PDE2A: variants seen among roughly 807,000 people sequenced by gnomAD.
PDE2A encodes phosphodiesterase 2A.
Under a neutral mutation model 133.6 loss-of-function variants are expected in PDE2A, and 53 were observed. That is an observed-to-expected ratio of 0.40 (90% confidence interval 0.32 to 0.50). The LOEUF (loss-of-function observed/expected upper bound fraction) is 0.50, where lower values mean the gene tolerates loss of function less well. Ranked by LOEUF, PDE2A falls within the 20% of genes least tolerant of loss-of-function variation. The pLI, the probability that PDE2A is intolerant of heterozygous loss-of-function variation, is 0.73. For synonymous variants in PDE2A, 491 were observed against 490.2 expected, an observed-to-expected ratio of 1.00 and a Z score of -0.02; for missense variants, 796 against 1,232.4, an observed-to-expected ratio of 0.65 and a Z score of 5.30.
intron 4 of PDE2A, chr11:72,598,466 C>G (rs140350532): frequency 1.6e-6 from 2 of 1,273,108 alleles, no homozygotes; most frequent in African/African-American, 3.0e-5. Context: ...CAACCCACCT[C>G]CTCTACCCCC....
chr11:72,644,416 G>A (rs186905748), intron 1 of PDE2A, among the ~76,000 whole-genome samples: 227 of 152,262 alleles, frequency 1.5e-3, no homozygotes, highest in Non-Finnish European at 4.1e-4. Context: ...TTTCTCTTCC[G>A]TAAAAGGGGA....
chr11:72,654,026 G>A (rs1854822950), intron 1 of PDE2A, among the ~76,000 whole-genome samples: 1 of 152,228 alleles, frequency 6.6e-6, no homozygotes, highest in South Asian at 2.1e-4. Flanking sequence ...CTCAGTTAGT[G>A]CAGAGAGGCA....
chr11:72,591,209 G>A (rs1184451730), intron 7 of PDE2A, 88 bp downstream of exon 7: 3 of 1,099,806 alleles, frequency 2.7e-6, no homozygotes, highest in Non-Finnish European at 4.2e-6. Context: ...TGAAACCCAG[G>A]TCTGTCCAGC....
At chr11:72,579,119 A>G in intron 27 of PDE2A, 110 bp from the exon 28 acceptor site, 1 of 971,772 alleles carries the variant, frequency 1.0e-6, no homozygotes, top group Non-Finnish European at 1.6e-6. Context: ...GGCACCCTTG[A>G]TGGGAGCCAA....
intron 2 of PDE2A, among the ~76,000 whole-genome samples, chr11:72,617,841 C>G (rs914420218): frequency 6.6e-6 from 1 of 152,192 alleles, no homozygotes; most frequent in Non-Finnish European, 1.5e-5. Flanking sequence ...TGCCCCCTTT[C>G]CCTCTCTCTG....
chr11:72,587,712 T>C (rs1856040568), intron 13 of PDE2A: 1 of 152,290 alleles, frequency 6.6e-6, no homozygotes, highest in African/African-American at 2.4e-5. Context: ...TCTCCCACCA[T>C]TAGGATGCCC....
chr11:72,649,733 C>G (rs929764849), intron 1 of PDE2A, among the ~76,000 whole-genome samples: 1 of 152,212 alleles, frequency 6.6e-6, no homozygotes, highest in African/African-American at 2.4e-5. Flanking sequence ...TACCAGCCGG[C>G]TCCTTCCCAT....
At chr11:72,620,520 T>C (rs1194480725) in intron 2 of PDE2A, among the ~76,000 whole-genome samples, 1 of 152,074 alleles carries the variant, frequency 6.6e-6, no homozygotes, top group African/African-American at 2.4e-5. Context: ...AAGGCCTCTG[T>C]AGTTGGGTTT....
In PDE2A at chr11:72,577,257, T is replaced by C. The variant is rs1266752091; in HGVS notation, c.*127A>G. 7 of 654,524 alleles carry C rather than the reference T, an allele frequency of 1.1e-5. No individual in the cohort carries two copies. In the African/African-American group the frequency reaches 1.1e-4, roughly 10 times the overall value. The allele number at this position is 654,524 out of a possible 1,614,324, so 40.5% of individuals were successfully genotyped here. A position where few individuals can be genotyped will look rare whatever the true frequency, so the allele number is the denominator to read the frequency against. ...AGCTGAGGCCCAGGAAGGTAGTACT[T>C]GTCCAGGGTCACACAGGAAGTCCTG... On this transcript the variant is annotated 3_prime_UTR_variant, in exon 31 of 31. Transcript: ENST00000334456.
chr11:72,585,604 G>A lies in PDE2A; in HGVS notation c.1183-11C>T. 6.2e-7 allele frequency: 1 copy of A among 1,613,664 alleles called. No homozygotes were observed. Among genetic ancestry groups the A allele is most frequent in the Non-Finnish European group, 8.5e-7 (1 of 1,179,760 alleles). ...CACTTGGAGAAGAGCCTGGAATGAA[G>A]GAAATGGAGATCATAGGGGGGTCGG... On this transcript the variant is annotated splice_polypyrimidine_tract_variant and intron_variant, in intron 14 of 30. Coordinates refer to ENST00000334456, the MANE Select transcript of PDE2A (RefSeq NM_002599.5).
intron 1 of PDE2A, among the ~76,000 whole-genome samples, chr11:72,651,569 C>T (rs1169611824): frequency 6.6e-6 from 1 of 152,156 alleles, no homozygotes; most frequent in Non-Finnish European, 1.5e-5. Flanking sequence ...CTGGAGACCC[C>T]GTTTTCTCAC....
intron 2 of PDE2A, chr11:72,615,095 G>A (rs953114999): frequency 3.5e-5 from 18 of 514,374 alleles, no homozygotes; most frequent in African/African-American, 1.6e-4. Flanking sequence ...TCCAGCCTCC[G>A]AGCCACACTG....
At chr11:72,617,468 C>T (rs922885153) in intron 2 of PDE2A, among the ~76,000 whole-genome samples, 5 of 152,298 alleles carry the variant, frequency 3.3e-5, no homozygotes, top group South Asian at 2.1e-4. Context: ...CCTCCCTGGG[C>T]GCTCTCTCTG....
intron 4 of PDE2A, chr11:72,598,635 T>A (rs1342310544): frequency 7.8e-7 from 1 of 1,288,922 alleles, no homozygotes; most frequent in Non-Finnish European, 1.0e-6. Context: ...CTTGGGGAAC[T>A]GTGTGCATAC....
chr11:72,617,046 C>A (rs1464705950), intron 2 of PDE2A, among the ~76,000 whole-genome samples: 1 of 152,224 alleles, frequency 6.6e-6, no homozygotes, highest in Non-Finnish European at 1.5e-5. Context: ...TTCAGCCCAG[C>A]CCTTTGGGCC....
In PDE2A at chr11:72,579,522, C is replaced by CCAACCCCA; in HGVS notation, c.2256+11_2256+12insTGGGGTTG. The CCAACCCCA allele has an allele frequency of 1.3e-6, 2 of 1,550,228 alleles. No homozygotes were observed. The highest frequency in any genetic ancestry group is 8.9e-7 in the Non-Finnish European group (1 of 1,126,858). On this transcript the variant is annotated intron_variant, in intron 26 of 30. Coordinates refer to ENST00000334456, the MANE Select transcript of PDE2A (RefSeq NM_002599.5). ...TCCCCCTCAATCCCCACCCCACCCC[C>CCAACCCCA]AACCCCATCACCTTCCGGGAGAAAT...
chr11:72,594,920 A>T (rs1856403649), intron 6 of PDE2A, among the ~76,000 whole-genome samples: 1 of 152,062 alleles, frequency 6.6e-6, no homozygotes, highest in Admixed American at 6.5e-5. Context: ...CTTCCCCCAG[A>T]CTGAGAGCTC....
chr11:72,602,405 C>T (rs1358952341), intron 4 of PDE2A, among the ~76,000 whole-genome samples: 5 of 152,150 alleles, frequency 3.3e-5, no homozygotes, highest in African/African-American at 4.8e-5. Context: ...CCAGCCTCCA[C>T]GCCACACCTG....
chr11:72,608,265 C>G (rs1437207837), intron 3 of PDE2A, among the ~76,000 whole-genome samples: 1 of 152,198 alleles, frequency 6.6e-6, no homozygotes, highest in African/African-American at 2.4e-5. Flanking sequence ...TAGTACCTCC[C>G]AGACCTGGCT....
Sources: gnomAD v4.1 joint callset for allele counts (sites outside exome capture counted in the v4.1 genomes callset) on GRCh38, gnomAD v4.1.1 for gene constraint, MANE v1.5 for transcripts, NCBI Gene and HGNC (gene_info 2026-07-23, HGNC 2026-07-21) for gene names.